The following SYNE2 variants were observed in gnomAD, a reference collection of about 807,000 sequenced individuals.
The protein encoded by SYNE2 is nesprin-2.
SYNE2 carries 431 observed loss-of-function variants against 856.3 expected under a neutral mutation model. The ratio of observed to expected loss-of-function variants is 0.50; its 90% CI spans 0.47 to 0.55. SYNE2 has a LOEUF of 0.55. Among genes scored for constraint, SYNE2 ranks in the 20% least tolerant of loss-of-function variants. The pLI, the probability that SYNE2 is intolerant of heterozygous loss-of-function variation, is 0.00. For missense variants in SYNE2, 8,129 were observed against 8,023.2 expected (o/e 1.01, Z -0.50); for synonymous variants, 2,923 against 2,872.3 (o/e 1.02, Z -0.56).
intron 1 of SYNE2, among the ~76,000 whole-genome samples, chr14:63,773,406 G>A (rs1169611911): frequency 6.6e-6 from 1 of 150,396 alleles, no homozygotes; most frequent in Non-Finnish European, 1.5e-5. Context: ...TTCCCATGTT[G>A]CCCAGGCTGG....
rs1322194213 is a variant in SYNE2, at chr14:64,175,199, TGTG to T, written c.17430+65_17430+67del. ...CAAATTCAGTACATAGATTTTCATT[TGTG>T]GTGTGAAAATGGAAATGGTTTTAGG... On this transcript the variant is annotated intron_variant, in intron 95 of 115. Coordinates refer to ENST00000555002, the MANE Select transcript of SYNE2 (RefSeq NM_182914.3). 42 of 1,588,586 alleles carry T rather than the reference TGTG, an allele frequency of 2.6e-5. No individual in the cohort carries two copies. The East Asian group carries it at 9.0e-4, about 34-fold the overall frequency.
At chr14:63,823,485 C>T (rs907147568) in intron 1 of SYNE2, among the ~76,000 whole-genome samples, 1 of 151,688 alleles carries the variant, frequency 6.6e-6, no homozygotes, top group Admixed American at 6.6e-5. Flanking sequence ...CCCAAGTCTA[C>T]CAAATTTTTG....
At chr14:64,147,541 G>A (rs1017502109) in intron 84 of SYNE2, among the ~76,000 whole-genome samples, 1 of 152,114 alleles carries the variant, frequency 6.6e-6, no homozygotes, top group African/African-American at 2.4e-5. Flanking sequence ...TGGTAGCCAC[G>A]GAACAAGGTC....
intron 98 of SYNE2, among the ~76,000 whole-genome samples, chr14:64,189,719 T>C (rs2098509010): frequency 6.6e-6 from 1 of 152,252 alleles, no homozygotes; most frequent in Admixed American, 6.5e-5. Flanking sequence ...CTCACTGTGC[T>C]GGAGTGCAGT....
intron 1 of SYNE2, among the ~76,000 whole-genome samples, chr14:63,868,117 A>C (rs938905278): frequency 5.9e-5 from 9 of 152,238 alleles, no homozygotes; most frequent in Non-Finnish European, 8.8e-5. Context: ...TGTGTAATAA[A>C]TTAACTAACA....
At chr14:64,059,605 C>G (rs1254645548) in intron 49 of SYNE2, among the ~76,000 whole-genome samples, 1 of 152,244 alleles carries the variant, frequency 6.6e-6, no homozygotes, top group Non-Finnish European at 1.5e-5. Flanking sequence ...AGAGAGTGTA[C>G]TGAATCAGAC....
At chr14:63,966,645 G>A (rs2096397169) in intron 10 of SYNE2, among the ~76,000 whole-genome samples, 1 of 150,254 alleles carries the variant, frequency 6.7e-6, no homozygotes, top group Non-Finnish European at 1.5e-5. Context: ...TGCAACCTCT[G>A]CCTCCTGGGC....
intron 67 of SYNE2, 79 bp downstream of exon 67, chr14:64,119,688 G>A: frequency 4.1e-6 from 6 of 1,459,090 alleles, no homozygotes; most frequent in Non-Finnish European, 5.7e-6. Context: ...CTGGTTGGAA[G>A]TGATGAACCA....
chr14:63,908,500 A>G (rs1208744194), intron 1 of SYNE2, among the ~76,000 whole-genome samples: 1 of 152,222 alleles, frequency 6.6e-6, no homozygotes, highest in African/African-American at 2.4e-5. Context: ...TTAAGAATCA[A>G]GGTGGGGCGA....
intron 45 of SYNE2, among the ~76,000 whole-genome samples, chr14:64,040,587 T>G (rs2097140546): frequency 8.1e-6 from 1 of 124,112 alleles, no homozygotes; most frequent in South Asian, 2.8e-4. Flanking sequence ...ACTGTAGAAG[T>G]GAGGTTAAAA....
At chr14:63,846,628 C>T (rs1890236381) in intron 1 of SYNE2, among the ~76,000 whole-genome samples, 1 of 151,494 alleles carries the variant, frequency 6.6e-6, no homozygotes, top group Admixed American at 6.6e-5. Flanking sequence ...TGGAGTCTCC[C>T]TCTGTTGCCC....
intron 99 of SYNE2, among the ~76,000 whole-genome samples, chr14:64,192,332 A>C (rs1352511520): frequency 6.6e-6 from 1 of 152,212 alleles, no homozygotes; most frequent in Non-Finnish European, 1.5e-5. Flanking sequence ...GATGGCATCA[A>C]ACCCATTCAT....
In SYNE2 at chr14:63,974,890, GTGTATATATATATA is replaced by G. The variant is rs1287703256; in HGVS notation, c.1129-1671_1129-1658del. Among the ~76,000 whole-genome samples the G allele has an allele frequency of 1.4e-3, 38 of 27,506 alleles. 1 individual carries two copies. Among genetic ancestry groups the G allele is most frequent in the Admixed American group, 4.5e-3 (10 of 2,204 alleles). The allele number at this position is 27,506 out of a possible 152,430, so 18.0% of individuals were successfully genotyped here. ...TGTGTGTGTGTGTGTGTGTGTGTGT[GTGTATATATATATA>G]TATATATATATATGTATCTTGAGAC... On this transcript the variant is annotated intron_variant, in intron 11 of 115. Transcript: ENST00000555002.
chr14:64,138,037 C>G, intron 79 of SYNE2, 54 bp downstream of exon 79: 1 of 1,567,060 alleles, frequency 6.4e-7, no homozygotes, highest in Non-Finnish European at 8.7e-7. Flanking sequence ...AGAAAGACCT[C>G]GGGGATTCTG....
rs1427175283 is a variant in SYNE2, at chr14:64,020,109, T to C, written c.5151+16T>C. ...TGAATTGCAGGTAAGAATTTTTATT[T>C]AAAAGTTTCAGTTATTGAGGCTTCA... On this transcript the variant is annotated intron_variant, in intron 35 of 115. Coordinates refer to ENST00000555002, the MANE Select transcript of SYNE2 (RefSeq NM_182914.3). 2.5e-6 allele frequency: 4 copies of C among 1,576,314 alleles called. No homozygotes were observed. The South Asian group carries it at 4.4e-5, about 17-fold the overall frequency.
intron 84 of SYNE2, among the ~76,000 whole-genome samples, chr14:64,150,111 A>T (rs2098227216): frequency 6.9e-6 from 1 of 144,260 alleles, no homozygotes; most frequent in South Asian, 2.2e-4. Context: ...TCCTAGGCTT[A>T]AGAGATCCTC....
At chr14:64,130,408 C>G (rs1011606434) in intron 76 of SYNE2, among the ~76,000 whole-genome samples, 160 bp downstream of exon 76, 5 of 151,946 alleles carry the variant, frequency 3.3e-5, no homozygotes, top group Admixed American at 3.3e-4. Flanking sequence ...TACCAGGAAC[C>G]CTGGTACATG....
chr14:64,020,174 C>A, intron 35 of SYNE2, 81 bp downstream of exon 35: 3 of 948,450 alleles, frequency 3.2e-6, no homozygotes, highest in East Asian at 2.5e-5. Flanking sequence ...GCCTGGGCGA[C>A]AGAGCAAAAC....
rs1181720739 is a variant in SYNE2, at chr14:64,140,000, A to G, written c.14903A>G (p.Asn4968Ser). Residue 4968 changes from asparagine to serine, a missense_variant, in exon 80 of 116, where the codon AAT becomes AGT. Physicochemically the swap from Asn to Ser is conservative, Grantham distance 46. Coordinates refer to ENST00000555002, the MANE Select transcript of SYNE2 (RefSeq NM_182914.3). ...KWLESSQHTL[N>S]YWKEQSLNVS... is the part of the protein sequence containing the mutation. ...TTGGAATCTTCCCAGCATACTCTGAATTACTGGAAAGAACAGTCCCTCAAT... is the reference window on the plus strand; with the variant it reads ...TTGGAATCTTCCCAGCATACTCTGAGTTACTGGAAAGAACAGTCCCTCAAT... The G allele has an allele frequency of 1.2e-6, 2 of 1,613,948 alleles. No homozygotes were observed. Among genetic ancestry groups the G allele is most frequent in the Non-Finnish European group, 1.7e-6 (2 of 1,179,866 alleles).
Sources: gnomAD v4.1 joint callset for allele counts (sites outside exome capture counted in the v4.1 genomes callset) on GRCh38, gnomAD v4.1.1 for gene constraint, MANE v1.5 for transcripts, NCBI Gene and HGNC (gene_info 2026-07-23, HGNC 2026-07-21) for gene names.